The following CLEC16A variants were observed in gnomAD, a reference collection of about 807,000 sequenced individuals.
CLEC16A encodes the protein C-type lectin domain containing 16A.
CLEC16A carries 51 observed loss-of-function variants against 109.5 expected under a neutral mutation model. The ratio of observed to expected loss-of-function variants is 0.47; its 90% CI spans 0.37 to 0.59. CLEC16A has a LOEUF of 0.59. Among genes scored for constraint, CLEC16A ranks in the 20% least tolerant of loss-of-function variants. The probability of loss-of-function intolerance (pLI) is 0.00; values close to 1 mark genes in which losing one functional copy is unlikely to be tolerated. For synonymous variants in CLEC16A, 673 were observed against 564.2 expected (o/e 1.19, Z -2.73); for missense variants, 1,339 against 1,394.0 (o/e 0.96, Z 0.63).
At chr16:11,026,912 G>A in intron 13 of CLEC16A, 1 of 877,680 alleles carries the variant, frequency 1.1e-6, no homozygotes, top group Non-Finnish European at 1.8e-6. Flanking sequence ...ACGCTGACTG[G>A]GTCCTCCAGC....
chr16:10,963,707 G>A (rs1231322659), intron 3 of CLEC16A, among the ~76,000 whole-genome samples: 1 of 152,204 alleles, frequency 6.6e-6, no homozygotes, highest in Non-Finnish European at 1.5e-5. Context: ...TGCCATCAGT[G>A]CTTTCATTTT....
rs114652284 is a variant in CLEC16A, at chr16:11,058,343, T to G, written c.1996-2559T>G. Among the ~76,000 whole-genome samples, 692 of 152,360 alleles carry G rather than the reference T, an allele frequency of 4.5e-3. 5 individuals are homozygous for G. The highest frequency in any genetic ancestry group is 0.031 in the Middle Eastern group (9 of 294). On this transcript the variant is annotated intron_variant, in intron 18 of 23. Transcript: ENST00000409790. ...CAAAATCCACAGATGCTCAAGTCCCTTATATAAACGGCGTAGTGTTTGCAT... is the reference window on the plus strand; with the variant it reads ...CAAAATCCACAGATGCTCAAGTCCCGTATATAAACGGCGTAGTGTTTGCAT...
intron 22 of CLEC16A, among the ~76,000 whole-genome samples, chr16:11,151,052 C>T (rs1047763891): frequency 7.2e-5 from 11 of 152,306 alleles, no homozygotes; most frequent in East Asian, 3.9e-4. Flanking sequence ...CATTTCCAAA[C>T]GAGGTCACAT....
At chr16:11,038,669 G>T (rs777031879) in intron 13 of CLEC16A, among the ~76,000 whole-genome samples, 1 of 152,168 alleles carries the variant, frequency 6.6e-6, no homozygotes, top group Non-Finnish European at 1.5e-5. Context: ...TTGGCAGGAA[G>T]AATTGTTGAA....
chr16:11,039,131 G>A (rs1389993593), intron 13 of CLEC16A, among the ~76,000 whole-genome samples: 1 of 152,136 alleles, frequency 6.6e-6, no homozygotes, highest in African/African-American at 2.4e-5. Flanking sequence ...GCAGTGAGTT[G>A]TGCTATGGGA....
chr16:11,137,806 C>T (rs950593459), intron 22 of CLEC16A, among the ~76,000 whole-genome samples: 1 of 151,714 alleles, frequency 6.6e-6, no homozygotes, highest in Admixed American at 6.6e-5. Context: ...GAGACTCCCT[C>T]TCAAAAAAAA....
intron 5 of CLEC16A, among the ~76,000 whole-genome samples, chr16:10,971,891 G>A (rs189347680): frequency 1.3e-5 from 2 of 152,326 alleles, no homozygotes; most frequent in Admixed American, 1.3e-4. Flanking sequence ...TCACCACAGT[G>A]GAGATGGGAC....
chr16:11,166,487 C>A lies in CLEC16A; in HGVS notation c.2741C>A (p.Thr914Asn). The A allele has an allele frequency of 6.2e-7, 1 of 1,609,512 alleles. No individual in the cohort carries two copies. Among genetic ancestry groups the A allele is most frequent in the Non-Finnish European group, 8.5e-7 (1 of 1,179,758 alleles). Residue 914 changes from threonine (T) to asparagine (N), a missense_variant, in exon 23 of 24, where the codon ACC becomes AAC. Coordinates refer to ENST00000409790, the MANE Select transcript of CLEC16A (RefSeq NM_015226.3). ...ASGSPSGSGS[T>N]SHCDSGGTSS... is the part of the protein sequence containing the mutation. Reference sequence around the variant, plus strand: ...GGGAGCCCCAGCGGCAGCGGGAGCACCAGCCACTGCGACTCTGGAGGCACC... The same window carrying A: ...GGGAGCCCCAGCGGCAGCGGGAGCAACAGCCACTGCGACTCTGGAGGCACC...
chr16:11,179,044 C>T lies in CLEC16A; in HGVS notation c.*354C>T, dbSNP rs1184875406. ...TGTCATATGGCTCCTCTGTCACCAGCCCCAGTGTGCACAGAAGAATTGGAC... is the reference window on the plus strand; with the variant it reads ...TGTCATATGGCTCCTCTGTCACCAGTCCCAGTGTGCACAGAAGAATTGGAC... On this transcript the variant is annotated 3_prime_UTR_variant, in exon 24 of 24. Coordinates refer to ENST00000409790, the MANE Select transcript of CLEC16A (RefSeq NM_015226.3). The T allele has an allele frequency of 7.9e-6, 2 of 252,344 alleles. No homozygotes were observed. Among genetic ancestry groups the T allele is most frequent in the African/African-American group, 2.2e-5 (1 of 45,138 alleles). 15.6% of individuals were successfully genotyped at this position (252,344 alleles called of 1,614,324 possible). A position where few individuals can be genotyped will look rare whatever the true frequency, so the allele number is the denominator to read the frequency against.
At chr16:11,155,824 A>G (rs955295119) in intron 22 of CLEC16A, among the ~76,000 whole-genome samples, 2 of 152,198 alleles carry the variant, frequency 1.3e-5, no homozygotes, top group Admixed American at 1.3e-4. Context: ...GAACACAAGC[A>G]AATGGAATGG....
chr16:11,132,230 A>ACC (rs1481112707), intron 22 of CLEC16A, among the ~76,000 whole-genome samples: 87 of 44,440 alleles, frequency 2.0e-3, no homozygotes, highest in South Asian at 9.6e-3. Context: ...GTCATCGCCC[A>ACC]CCCACCCCCC....
intron 19 of CLEC16A, among the ~76,000 whole-genome samples, chr16:11,085,936 A>G (rs1265737251): frequency 6.6e-6 from 1 of 152,078 alleles, no homozygotes; most frequent in African/African-American, 2.4e-5. Context: ...CAAACATCCA[A>G]ACCATATCAG....
chr16:11,095,277 G>GA (rs1567310301), intron 19 of CLEC16A, among the ~76,000 whole-genome samples: 1 of 152,020 alleles, frequency 6.6e-6, no homozygotes, highest in Non-Finnish European at 1.5e-5. Context: ...AAGAGAAGAT[G>GA]AAAAAGAAAA....
intron 10 of CLEC16A, among the ~76,000 whole-genome samples, chr16:10,994,487 G>A (rs1310112464): frequency 6.6e-6 from 1 of 152,174 alleles, no homozygotes; most frequent in Non-Finnish European, 1.5e-5. Context: ...GCCAAGCCAT[G>A]TGCTACAGTG....
At chr16:11,012,696 G>T (rs1284183110) in intron 11 of CLEC16A, among the ~76,000 whole-genome samples, 2 of 151,996 alleles carry the variant, frequency 1.3e-5, no homozygotes, top group African/African-American at 2.4e-5. Context: ...AGCAGTCATG[G>T]TGGTGGTGGG....
chr16:11,089,407 A>G (rs369299123), intron 19 of CLEC16A, among the ~76,000 whole-genome samples: 8 of 152,154 alleles, frequency 5.3e-5, no homozygotes, highest in African/African-American at 1.2e-4. Context: ...GCTGTGTCCA[A>G]TTGTCCATGT....
chr16:11,084,314 T>G (rs1390176726), intron 19 of CLEC16A, among the ~76,000 whole-genome samples: 1 of 152,100 alleles, frequency 6.6e-6, no homozygotes, highest in Non-Finnish European at 1.5e-5. Flanking sequence ...CCACTGTGTG[T>G]GATTTTCTAT....
intron 13 of CLEC16A, among the ~76,000 whole-genome samples, chr16:11,025,324 G>C (rs1053895147): frequency 6.6e-5 from 10 of 152,184 alleles, no homozygotes; most frequent in African/African-American, 2.4e-4. Context: ...TTCTTATTCT[G>C]TGTTCAGAGC....
At chr16:11,004,985 G>A (rs1198982933) in intron 11 of CLEC16A, among the ~76,000 whole-genome samples, 1 of 152,212 alleles carries the variant, frequency 6.6e-6, no homozygotes, top group African/African-American at 2.4e-5. Context: ...GAAGAAAAAT[G>A]TCTGCCTAAT....
Sources: gnomAD v4.1 joint callset for allele counts (sites outside exome capture counted in the v4.1 genomes callset) on GRCh38, gnomAD v4.1.1 for gene constraint, MANE v1.5 for transcripts, NCBI Gene and HGNC (gene_info 2026-07-23, HGNC 2026-07-21) for gene names.